The following TEC variants were observed in gnomAD, a reference collection of about 807,000 sequenced individuals.
The protein encoded by TEC is tyrosine-protein kinase Tec.
A neutral mutation model predicts 93.0 loss-of-function variants in TEC; 72 were observed. The observed-to-expected ratio is 0.77, with a 90% confidence interval of 0.64 to 0.94. The LOEUF is 0.94. Ranked by LOEUF, TEC falls within the 40% of genes least tolerant of loss-of-function variation. TEC has a pLI of 0.00. For synonymous variants in TEC, 249 were observed against 247.7 expected, an observed-to-expected ratio of 1.01 and a Z score of -0.05; for missense variants, 630 against 757.9, an observed-to-expected ratio of 0.83 and a Z score of 1.98.
intron 8 of TEC, among the ~76,000 whole-genome samples, chr4:48,160,905 A>T (rs930218513): frequency 1.5e-4 from 19 of 123,646 alleles, no homozygotes; most frequent in Non-Finnish European, 2.7e-4. Flanking sequence ...GTAGGGATTT[A>T]AAAAAAAAAA....
At chr4:48,253,572 CTTT>C (rs34702593) in intron 1 of TEC, among the ~76,000 whole-genome samples, 4 of 131,902 alleles carry the variant, frequency 3.0e-5, no homozygotes, top group Non-Finnish European at 3.1e-5. Flanking sequence ...ATGTCCAATT[CTTT>C]TTTTTTTTTT....
intron 1 of TEC, among the ~76,000 whole-genome samples, chr4:48,259,797 C>T (rs1312251891): frequency 2.0e-5 from 3 of 151,756 alleles, no homozygotes; most frequent in Non-Finnish European, 2.9e-5. Flanking sequence ...CAAGAAACTA[C>T]ATTAATGCAA....
chr4:48,240,932 C>T (rs1723906219), intron 1 of TEC, among the ~76,000 whole-genome samples: 1 of 151,342 alleles, frequency 6.6e-6, no homozygotes, highest in South Asian at 2.1e-4. Context: ...AAATGCCAGC[C>T]ATTACATACC....
rs114707837 is a variant in TEC at position 48,249,592 on chromosome 4, A to C, written c.-46+20160T>G. 2.1e-3 allele frequency among the ~76,000 whole-genome samples: 320 copies of C among 152,366 alleles called. 1 individual carries two copies. Among genetic ancestry groups the C allele is most frequent in the African/African-American group, 7.5e-3 (310 of 41,596 alleles). ...TGGCTGAATGGCCCAAGGTAACAGG[A>C]AACAGTCCCAAAGACCTATGGCTTC... On this transcript the variant is annotated intron_variant, in intron 1 of 17. Transcript: ENST00000381501.
intron 1 of TEC, among the ~76,000 whole-genome samples, chr4:48,266,719 T>G (rs564148277): frequency 1.3e-5 from 2 of 151,512 alleles, no homozygotes; most frequent in East Asian, 3.9e-4. Flanking sequence ...ATGCCTGTAA[T>G]CCCAACTACT....
In TEC at chr4:48,141,212, C is replaced by G. The variant is rs994071136; in HGVS notation, c.1535+143G>C. ...TACCACCTAGTGGAGAGAATTACTA[C>G]CATCACAATATATACTTAATTTAAT... is the stretch of plus-strand genomic sequence containing the variant. On this transcript the variant is annotated intron_variant, in intron 15 of 17. Transcript: ENST00000381501. The G allele has an allele frequency of 4.4e-6, 3 of 676,486 alleles. No individual in the cohort carries two copies. In the Admixed American group the frequency reaches 7.8e-5, roughly 18 times the overall value. The allele number at this position is 676,486 out of a possible 1,614,324, so 41.9% of individuals were successfully genotyped here.
chr4:48,241,561 C>G lies in TEC; in HGVS notation c.-45-12902G>C, dbSNP rs1420591166. Among the ~76,000 whole-genome samples the G allele has an allele frequency of 9.2e-5, 14 of 152,252 alleles. 1 individual carries two copies. The highest frequency in any genetic ancestry group is 3.4e-4 in the African/African-American group (14 of 41,558). On this transcript the variant is annotated intron_variant, in intron 1 of 17. Coordinates refer to ENST00000381501, the MANE Select transcript of TEC (RefSeq NM_003215.3). ...GAGAGACCTTCAAATGATTCCAGCCCTTTGTGGTTCAAGTCACCCCCAGCC... is the reference window on the plus strand; with the variant it reads ...GAGAGACCTTCAAATGATTCCAGCCGTTTGTGGTTCAAGTCACCCCCAGCC...
At chr4:48,141,157 A>C (rs1231093635) in intron 15 of TEC, among the ~76,000 whole-genome samples, 198 bp downstream of exon 15, 1 of 152,228 alleles carries the variant, frequency 6.6e-6, no homozygotes. Context: ...AATCCACACC[A>C]GGAAATACAG....
In TEC at chr4:48,145,872, T is replaced by C. The variant is rs1210551446; in HGVS notation, c.1082-293A>G. On this transcript the variant is annotated intron_variant, in intron 12 of 17. Coordinates refer to ENST00000381501, the MANE Select transcript of TEC (RefSeq NM_003215.3). ...GTACTTTTGTCAAACAAATACTTCC[T>C]TCTTTACCACTCTTCCTTCTCAGGT... Among the ~76,000 whole-genome samples, 4 of 152,164 alleles carry C rather than the reference T, an allele frequency of 2.6e-5. No homozygotes were observed. In the East Asian group the frequency reaches 7.7e-4, roughly 29 times the overall value.
chr4:48,203,739 T>A (rs1246080437), intron 2 of TEC, among the ~76,000 whole-genome samples: 1 of 152,130 alleles, frequency 6.6e-6, no homozygotes, highest in African/African-American at 2.4e-5. Flanking sequence ...GAAAAGTTAC[T>A]GAGAATTCAT....
intron 3 of TEC, among the ~76,000 whole-genome samples, chr4:48,173,497 C>T (rs1203781700): frequency 6.6e-6 from 1 of 152,186 alleles, no homozygotes; most frequent in African/African-American, 2.4e-5. Flanking sequence ...CAATGTTGGC[C>T]TCTTGGGGAG....
At chr4:48,263,890 C>T (rs143073639) in intron 1 of TEC, among the ~76,000 whole-genome samples, 3 of 152,164 alleles carry the variant, frequency 2.0e-5, no homozygotes, top group African/African-American at 4.8e-5. Flanking sequence ...CAGCCTGATC[C>T]GAAAATGTTT....
chr4:48,225,815 T>C (rs1577654952), intron 2 of TEC, among the ~76,000 whole-genome samples: 1 of 152,144 alleles, frequency 6.6e-6, no homozygotes, highest in East Asian at 1.9e-4. Context: ...CCAGTGAATG[T>C]TGGTCCATGA....
intron 1 of TEC, among the ~76,000 whole-genome samples, chr4:48,239,204 T>G (rs1035821227): frequency 1.3e-5 from 2 of 152,136 alleles, no homozygotes; most frequent in Admixed American, 6.5e-5. Flanking sequence ...TGATTAAAAT[T>G]TTGTCAGAAA....
At chr4:48,195,459 G>A (rs1384100368) in intron 2 of TEC, among the ~76,000 whole-genome samples, 1 of 152,120 alleles carries the variant, frequency 6.6e-6, no homozygotes, top group Non-Finnish European at 1.5e-5. Flanking sequence ...TTGTGGTAAA[G>A]TGCACACTGG....
intron 15 of TEC, 32 bp downstream of exon 15, chr4:48,141,323 C>T: frequency 6.3e-7 from 1 of 1,598,934 alleles, no homozygotes. Context: ...AAAATGCAAA[C>T]ATCACCTAAA....
At chr4:48,156,828 T>C (rs934108637) in intron 8 of TEC, 94 bp from the exon 9 acceptor site, 6 of 950,212 alleles carry the variant, frequency 6.3e-6, no homozygotes, top group Non-Finnish European at 9.1e-6. Flanking sequence ...TCATCAATAA[T>C]AAATATAACA....
intron 2 of TEC, among the ~76,000 whole-genome samples, chr4:48,217,324 G>A (rs7692950): frequency 0.47 from 71,044 of 151,928 alleles, 17,202 homozygotes; most frequent in Admixed American, 0.57. Context: ...GGCTGGTCTC[G>A]AACTCCTGAC....
At chr4:48,230,905 C>T (rs1286249226) in intron 1 of TEC, among the ~76,000 whole-genome samples, 2 of 152,204 alleles carry the variant, frequency 1.3e-5, no homozygotes, top group African/African-American at 4.8e-5. Context: ...TAATTAAAAG[C>T]CTTCCAACTC....
Sources: allele counts gnomAD v4.1 joint callset (sites outside exome capture counted in the v4.1 genomes callset), GRCh38; gene constraint gnomAD v4.1.1; transcripts MANE v1.5; gene names NCBI Gene and HGNC (gene_info 2026-07-23, HGNC 2026-07-21).